The following HERC2 variants were observed in gnomAD, a reference collection of about 807,000 sequenced individuals.
The protein encoded by HERC2 is HECT and RLD domain containing E3 ubiquitin protein ligase 2, also known as E3 ubiquitin-protein ligase HERC2.
A neutral mutation model predicts 537.7 loss-of-function variants in HERC2; 102 were observed. The observed-to-expected ratio is 0.19, with a 90% CI of 0.16 to 0.22. The LOEUF is 0.22. HERC2 is among the 10% of genes least tolerant of loss of function. HERC2 has a pLI of 1.00. For synonymous variants in HERC2, 2,224 were observed against 2,466.2 expected (o/e 0.90, Z 2.91); for missense variants, 4,236 against 6,198.2 (o/e 0.68, Z 10.63).
rs1179861998 is a variant in HERC2, at chr15:28,315,526, G to A, written c.72+5836C>T. ...AAAGATCCTATTAACAGCCGGGCAC[G>A]GTTCATGCTTGTACTCCCAGCACTT... On this transcript the variant is annotated intron_variant, in intron 2 of 92. Coordinates refer to ENST00000261609, the MANE Select transcript of HERC2 (RefSeq NM_004667.6). The A allele has an allele frequency of 3.5e-5, 14 of 400,824 alleles. No homozygotes were observed. The East Asian group carries it at 3.7e-4, about 11-fold the overall frequency. 24.8% of individuals were successfully genotyped at this position (400,824 alleles called of 1,614,324 possible). A position where few individuals can be genotyped will look rare whatever the true frequency, so the allele number is the denominator to read the frequency against.
intron 65 of HERC2, among the ~76,000 whole-genome samples, chr15:28,173,000 C>G (rs928939115): frequency 6.6e-6 from 1 of 152,150 alleles, no homozygotes; most frequent in Non-Finnish European, 1.5e-5. Flanking sequence ...AAGCAAGATG[C>G]TTGAGATCAT....
In HERC2 at chr15:28,163,118, G is replaced by A. The variant is rs1332401512; in HGVS notation, c.10722C>T (p.Ser3574=). 9.3e-6 allele frequency: 15 copies of A among 1,610,918 alleles called. No homozygotes were observed. The highest frequency in any genetic ancestry group is 2.2e-5 in the East Asian group (1 of 44,864). The change falls in exon 69 of 93, where the codon TCC becomes TCT. Residue 3574 remains serine (S), a synonymous_variant. Coordinates refer to ENST00000261609, the MANE Select transcript of HERC2 (RefSeq NM_004667.6). ...CCTGTGGGTAGGCGGTCCCCATGCC[G>A]GAAAGCACCGCGGAGAGCACATCCC... ...RGRDVLSAVL[S]GMGTAYPQVA... is the part of the protein sequence containing the mutation.
At position 28,316,924 on chromosome 15, in the gene HERC2, G is replaced by T. The variant is rs555652431; in HGVS notation, c.72+4438C>A. On this transcript the variant is annotated intron_variant, in intron 2 of 92. Coordinates refer to ENST00000261609, the MANE Select transcript of HERC2 (RefSeq NM_004667.6). The stretch of plus-strand genomic sequence containing the variant: ...CCTGAGTAGCTGGGACTACAGGCAC[G>T]TGCCACCACACCCAGCTAATTTTTG... Among the ~76,000 whole-genome samples the T allele has an allele frequency of 8.4e-4, 123 of 146,972 alleles. No individual in the cohort carries two copies. The East Asian group carries it at 0.019, about 22-fold the overall frequency.
intron 57 of HERC2, among the ~76,000 whole-genome samples, chr15:28,181,212 A>C (rs1895786985): frequency 6.6e-6 from 1 of 152,340 alleles, no homozygotes; most frequent in East Asian, 1.9e-4. Flanking sequence ...GCAGCGGAAG[A>C]AAGGATTTTC....
intron 52 of HERC2, among the ~76,000 whole-genome samples, chr15:28,194,596 A>C (rs2140291376): frequency 6.6e-6 from 1 of 151,084 alleles, no homozygotes; most frequent in Non-Finnish European, 1.5e-5. Flanking sequence ...AAAACAAAAC[A>C]AAAAAACAGG....
intron 52 of HERC2, among the ~76,000 whole-genome samples, 165 bp from the exon 53 acceptor site, chr15:28,192,316 T>C (rs1433519541): frequency 6.6e-6 from 1 of 152,210 alleles, no homozygotes; most frequent in East Asian, 1.9e-4. Context: ...AAGATATAGT[T>C]ACACCAATTT....
chr15:28,229,637 T>C (rs764423466), intron 32 of HERC2, 37 bp downstream of exon 32: 2 of 1,604,432 alleles, frequency 1.2e-6, no homozygotes, highest in African/African-American at 2.7e-5. Context: ...TTATGTATAT[T>C]ACCCAATGCA....
At chr15:28,229,044 T>A in intron 34 of HERC2, 151 bp downstream of exon 34, 1 of 772,482 alleles carries the variant, frequency 1.3e-6, no homozygotes, top group Non-Finnish European at 2.2e-6. Flanking sequence ...GTTTAAAATC[T>A]GAGAAAGCTG....
At chr15:28,316,837 C>A (rs1182648851) in intron 2 of HERC2, among the ~76,000 whole-genome samples, 1 of 152,132 alleles carries the variant, frequency 6.6e-6, no homozygotes, top group Admixed American at 6.6e-5. Flanking sequence ...AGTGCAGTGG[C>A]GCGATCTCGG....
In HERC2 at chr15:28,233,479, C is replaced by T. The variant is rs541667217; in HGVS notation, c.4434G>A (p.Val1478=). ...CTTGGTAGACAACTCTACAAACATCCACCACTGACTTAGGCAACGTTCTGT... is the reference window on the plus strand; with the variant it reads ...CTTGGTAGACAACTCTACAAACATCTACCACTGACTTAGGCAACGTTCTGT... ...VKHRTLPKSV[V]DVCRVVYQAK... is the part of the protein sequence containing the mutation. The change falls in exon 29 of 93, where the codon GTG becomes GTA. Residue 1478 remains valine, a synonymous_variant. Transcript: ENST00000261609. 1 of 1,459,516 alleles carries T rather than the reference C, an allele frequency of 6.9e-7. No homozygotes were observed. Among genetic ancestry groups the T allele is most frequent in the Admixed American group, 1.7e-5 (1 of 59,724 alleles). The allele number at this position is 1,459,516 out of a possible 1,614,324, so 90.4% of individuals were successfully genotyped here.
intron 4 of HERC2, 27 bp from the exon 5 acceptor site, chr15:28,280,314 C>T (rs1350618935): frequency 1.3e-6 from 2 of 1,552,604 alleles, no homozygotes; most frequent in Middle Eastern, 3.9e-4. Context: ...GAAAACATCT[C>T]ACCTGTGGAC....
chr15:28,239,374 C>A (rs141887299), intron 23 of HERC2, among the ~76,000 whole-genome samples: 2,378 of 151,980 alleles, frequency 0.016, 32 homozygotes, highest in Middle Eastern at 0.045. Context: ...AAAAAGAAAA[C>A]CTGAGTGGTG....
intron 75 of HERC2, 111 bp from the exon 76 acceptor site, chr15:28,142,504 G>A (rs916897733): frequency 1.0e-5 from 11 of 1,099,308 alleles, no homozygotes; most frequent in Non-Finnish European, 1.3e-5. Context: ...ACGGCCATGG[G>A]CACAGCAAGG....
chr15:28,245,614 T>C (rs546749393), intron 23 of HERC2, among the ~76,000 whole-genome samples: 23 of 149,416 alleles, frequency 1.5e-4, no homozygotes, highest in African/African-American at 5.7e-4. Flanking sequence ...CAGATATATA[T>C]ATACACACAC....
At position 28,137,748 on chromosome 15, in the gene HERC2, C is replaced by A. The variant is rs139252313; in HGVS notation, c.12016-2056G>T. Among the ~76,000 whole-genome samples, 359 of 152,260 alleles carry A rather than the reference C, an allele frequency of 2.4e-3. 4 individuals carry two copies. Among genetic ancestry groups the A allele is most frequent in the South Asian group, 0.019 (93 of 4,820 alleles). On this transcript the variant is annotated intron_variant, in intron 78 of 92. Transcript: ENST00000261609. ...TATTGAAATAAGGCCACTTAATAAC[C>A]CTACAGTGGCCTCTAAGAGTTCAAG...
chr15:28,321,239 C>T (rs373468882), intron 2 of HERC2, 123 bp downstream of exon 2: 16,030 of 641,764 alleles, frequency 0.025, 421 homozygotes, highest in South Asian at 0.084. Context: ...GGAAATAAAC[C>T]TGCTCCTCTA....
Position 28,268,158 on chromosome 15 carries a change from G to A in HERC2, c.1598+307C>T, listed in dbSNP as rs117201485. ...ACAGGGTGAACTGTTTGTGAATGAA[G>A]GAACAGTGGTGTGGGATTTGTTTTG... On this transcript the variant is annotated intron_variant, in intron 12 of 92. Coordinates refer to ENST00000261609, the MANE Select transcript of HERC2 (RefSeq NM_004667.6). This position sits in a 1 kb window ranked among gnomAD's most constrained non-coding sequence, Gnocchi z 4.7. Among the ~76,000 whole-genome samples the A allele has an allele frequency of 0.016, 2,384 of 152,312 alleles. 32 individuals are homozygous for A. The highest frequency in any genetic ancestry group is 0.044 in the Middle Eastern group (13 of 294).
rs191692853 is a variant in HERC2 at position 28,268,984 on chromosome 15, G to A, written c.1446+264C>T. Among the ~76,000 whole-genome samples, 29 of 152,260 alleles carry A rather than the reference G, an allele frequency of 1.9e-4. No individual in the cohort carries two copies. Among genetic ancestry groups the A allele is most frequent in the Admixed American group, 1.9e-3 (29 of 15,296 alleles). ...CACCTGTCACCTGTCTGGCCCCAAC[G>A]TCAAATGAGTTTACACGTGGAAATG... On this transcript the variant is annotated intron_variant, in intron 11 of 92. Transcript: ENST00000261609. The surrounding 1 kb of genome is among the most constrained non-coding windows in gnomAD (Gnocchi z 4.7).
At chr15:28,232,169 G>C (rs753777133) in intron 30 of HERC2, among the ~76,000 whole-genome samples, 67 of 152,168 alleles carry the variant, frequency 4.4e-4, no homozygotes, top group Non-Finnish European at 7.8e-4. Flanking sequence ...TAAGCTTATT[G>C]TTCAAAATGC....
Sources: gnomAD v4.1 joint callset for allele counts (sites outside exome capture counted in the v4.1 genomes callset) on GRCh38, gnomAD v4.1.1 for gene constraint, Gnocchi (gnomAD v3.1) non-coding constraint, MANE v1.5 for transcripts, NCBI Gene and HGNC (gene_info 2026-07-23, HGNC 2026-07-21) for gene names.